SIPA1L1: variants seen among roughly 807,000 people sequenced by gnomAD.
The protein encoded by SIPA1L1 is signal induced proliferation associated 1 like 1.
In SIPA1L1, 26 loss-of-function variants were observed where a neutral mutation model predicts 162.7. The observed-to-expected ratio is 0.16, with a 90% CI of 0.12 to 0.22. The LOEUF is 0.22. Among genes scored for constraint, SIPA1L1 ranks in the 10% least tolerant of loss-of-function variants. SIPA1L1 has a pLI of 1.00. For missense variants in SIPA1L1, 1,874 were observed against 2,241.0 expected, an observed-to-expected ratio of 0.84 and a Z score of 3.31; for synonymous variants, 829 against 837.4, an observed-to-expected ratio of 0.99 and a Z score of 0.17.
At position 71,685,356 on chromosome 14, in the gene SIPA1L1, T is replaced by TA. The variant is rs535461137; in HGVS notation, c.3105-4dup. On this transcript the variant is annotated splice_polypyrimidine_tract_variant and splice_region_variant and intron_variant, in intron 12 of 23. Transcript: ENST00000381232. ...TGTGTTTCTCCCTGTGCCTTGCCCC[T>TA]AATAGGAGTTGCTCTGAAACCTACC... 1.1e-3 allele frequency: 1,804 copies of TA among 1,613,714 alleles called. 2 individuals carry two copies. Among genetic ancestry groups the TA allele is most frequent in the Non-Finnish European group, 1.5e-3 (1,731 of 1,179,750 alleles).
chr14:71,461,250 T>C (rs895157849), intron 2 of SIPA1L1, among the ~76,000 whole-genome samples: 15 of 151,848 alleles, frequency 9.9e-5, no homozygotes, highest in African/African-American at 3.6e-4. Flanking sequence ...TGGTGCCATA[T>C]CAAGGACTCA....
At chr14:71,575,461 G>A (rs767832578) in intron 4 of SIPA1L1, among the ~76,000 whole-genome samples, 2 of 152,028 alleles carry the variant, frequency 1.3e-5, no homozygotes, top group South Asian at 2.1e-4. Flanking sequence ...GCATATAACC[G>A]GGTTCAAAAA....
intron 2 of SIPA1L1, among the ~76,000 whole-genome samples, chr14:71,347,862 G>A (rs1201693592): frequency 1.3e-5 from 2 of 151,936 alleles, no homozygotes; most frequent in Non-Finnish European, 2.9e-5. Flanking sequence ...TTGTTGAGTT[G>A]TAAATATTCC....
intron 2 of SIPA1L1, among the ~76,000 whole-genome samples, chr14:71,471,592 CAG>C (rs1462435620): frequency 6.6e-6 from 1 of 152,300 alleles, no homozygotes; most frequent in Non-Finnish European, 1.5e-5. Context: ...GGACAGAAGA[CAG>C]GGAAACAAAC....
intron 2 of SIPA1L1, among the ~76,000 whole-genome samples, chr14:71,416,584 C>G (rs1595348962): frequency 6.6e-6 from 1 of 152,100 alleles, no homozygotes; most frequent in East Asian, 1.9e-4. Flanking sequence ...CAGGAGGAGG[C>G]CATGACTCAA....
At chr14:71,618,232 A>G (rs1467831567) in intron 5 of SIPA1L1, among the ~76,000 whole-genome samples, 1 of 152,170 alleles carries the variant, frequency 6.6e-6, no homozygotes, top group Non-Finnish European at 1.5e-5. Flanking sequence ...CTTTCCTCTG[A>G]GCTCCTACTC....
chr14:71,591,720 T>C lies in SIPA1L1; in HGVS notation c.1498+2350T>C, dbSNP rs2035423122. On this transcript the variant is annotated intron_variant, in intron 5 of 23. Transcript: ENST00000381232. ...GAGACCAAGGGCTTTTCTTTGACAA[T>C]GATTCTACTCTTTTAAATTCTTAAT... 2.0e-5 allele frequency among the ~76,000 whole-genome samples: 3 copies of C among 152,206 alleles called. 1 individual carries two copies. In the South Asian group the frequency reaches 6.2e-4, roughly 31 times the overall value.
At chr14:71,516,456 A>G (rs1198909732) in intron 3 of SIPA1L1, among the ~76,000 whole-genome samples, 1 of 152,038 alleles carries the variant, frequency 6.6e-6, no homozygotes, top group Non-Finnish European at 1.5e-5. Flanking sequence ...ACACCATCGT[A>G]GCTCACTGCA....
chr14:71,446,990 C>A (rs2045451977), intron 2 of SIPA1L1, among the ~76,000 whole-genome samples: 1 of 136,420 alleles, frequency 7.3e-6, no homozygotes, highest in Non-Finnish European at 1.5e-5. Context: ...TGGCTCACTG[C>A]AACCTTGACC....
chr14:71,373,748 C>A (rs1446174562), intron 2 of SIPA1L1, among the ~76,000 whole-genome samples: 2 of 151,724 alleles, frequency 1.3e-5, no homozygotes, highest in Admixed American at 1.3e-4. Context: ...CTTCCTGATA[C>A]CTTTGTGATT....
intron 2 of SIPA1L1, among the ~76,000 whole-genome samples, chr14:71,459,868 C>G (rs2046459794): frequency 6.6e-6 from 1 of 152,134 alleles, no homozygotes; most frequent in Non-Finnish European, 1.5e-5. Flanking sequence ...CAAGTCCGCC[C>G]CTTGTCACCT....
At chr14:71,604,078 C>T (rs779097091) in intron 5 of SIPA1L1, among the ~76,000 whole-genome samples, 14 of 148,334 alleles carry the variant, frequency 9.4e-5, no homozygotes, top group Non-Finnish European at 1.6e-4. Flanking sequence ...CTAACTGCAA[C>T]CTCTTGCCTC....
chr14:71,488,276 G>T (rs1411446063), intron 2 of SIPA1L1, among the ~76,000 whole-genome samples: 2 of 151,986 alleles, frequency 1.3e-5, no homozygotes, highest in Admixed American at 6.6e-5. Flanking sequence ...ATTAAATGGA[G>T]TTTACTGAAT....
At chr14:71,348,108 A>T (rs1288210536) in intron 2 of SIPA1L1, among the ~76,000 whole-genome samples, 6 of 152,184 alleles carry the variant, frequency 3.9e-5, no homozygotes, top group Non-Finnish European at 8.8e-5. Flanking sequence ...ATTTAAAAAA[A>T]TTTTTGGAAG....
At chr14:71,630,816 A>G (rs2040492036) in intron 7 of SIPA1L1, among the ~76,000 whole-genome samples, 1 of 151,926 alleles carries the variant, frequency 6.6e-6, no homozygotes. Context: ...TTCATTATGC[A>G]GATACCACCA....
chr14:71,400,197 G>A (rs1356109435), intron 2 of SIPA1L1, among the ~76,000 whole-genome samples: 2 of 152,088 alleles, frequency 1.3e-5, no homozygotes, highest in East Asian at 1.9e-4. Context: ...AATACCAAAA[G>A]TGACTTTTCT....
At chr14:71,705,100 G>A in intron 15 of SIPA1L1, 122 bp from the exon 16 acceptor site, 1 of 736,462 alleles carries the variant, frequency 1.4e-6, no homozygotes, top group South Asian at 1.6e-5. Context: ...CAAGCTTACT[G>A]CTGAAATGCA....
At chr14:71,405,077 A>G (rs1318622069) in intron 2 of SIPA1L1, among the ~76,000 whole-genome samples, 5 of 152,252 alleles carry the variant, frequency 3.3e-5, no homozygotes, top group Non-Finnish European at 7.3e-5. Flanking sequence ...TATTGTGCCT[A>G]TGGTAACAAT....
chr14:71,464,297 C>A (rs1314218153), intron 2 of SIPA1L1, among the ~76,000 whole-genome samples: 1 of 152,060 alleles, frequency 6.6e-6, no homozygotes, highest in Admixed American at 6.6e-5. Context: ...TTCAGGTAAC[C>A]AAGCAAATAA....
Sources: gnomAD v4.1 joint callset for allele counts (sites outside exome capture counted in the v4.1 genomes callset) on GRCh38, gnomAD v4.1.1 for gene constraint, MANE v1.5 for transcripts, NCBI Gene and HGNC (gene_info 2026-07-23, HGNC 2026-07-21) for gene names.